Variants in PPA2 observed in about 807,000 individuals in gnomAD.
The protein encoded by PPA2 is inorganic pyrophosphatase 2, mitochondrial.
In PPA2, 48 loss-of-function variants were observed where a neutral mutation model predicts 49.5. The ratio of observed to expected loss-of-function variants is 0.97; its 90% CI spans 0.77 to 1.23. The LOEUF is 1.23. Ranked by LOEUF, PPA2 falls within the 50% of genes most tolerant of loss-of-function variation. The pLI is 0.00. For missense variants in PPA2, 429 were observed against 410.1 expected (o/e 1.05, Z -0.40); for synonymous variants, 131 against 139.9 (o/e 0.94, Z 0.45).
intron 7 of PPA2, among the ~76,000 whole-genome samples, chr4:105,410,085 G>T (rs1350068528): frequency 6.6e-6 from 1 of 152,224 alleles, no homozygotes; most frequent in Non-Finnish European, 1.5e-5. Flanking sequence ...ACAGAAGTAG[G>T]CTTCAGAAGG....
chr4:105,384,687 G>C (rs1733614066), intron 10 of PPA2, among the ~76,000 whole-genome samples: 1 of 152,114 alleles, frequency 6.6e-6, no homozygotes, highest in South Asian at 2.1e-4. Flanking sequence ...CTGATAACTT[G>C]GAGAAAATAA....
chr4:105,376,391 T>C (rs1476651630), intron 10 of PPA2, among the ~76,000 whole-genome samples: 2 of 152,194 alleles, frequency 1.3e-5, no homozygotes, highest in African/African-American at 4.8e-5. Flanking sequence ...AAATAATACA[T>C]TTATATTGAA....
chr4:105,467,816 A>T (rs1424134072), intron 1 of PPA2, among the ~76,000 whole-genome samples: 1 of 152,176 alleles, frequency 6.6e-6, no homozygotes, highest in African/African-American at 2.4e-5. Flanking sequence ...GCAACTAAAG[A>T]GAGAAACAAG....
At chr4:105,458,541 A>G (rs1052848373) in intron 1 of PPA2, among the ~76,000 whole-genome samples, 1 of 152,106 alleles carries the variant, frequency 6.6e-6, no homozygotes, top group Non-Finnish European at 1.5e-5. Flanking sequence ...AAACAGAGGC[A>G]TGGCCGGGCA....
At chr4:105,372,182 TG>T (rs1733053612) in intron 10 of PPA2, among the ~76,000 whole-genome samples, 1 of 152,200 alleles carries the variant, frequency 6.6e-6, no homozygotes, top group African/African-American at 2.4e-5. Context: ...TGGTCTAGAA[TG>T]GGGGCATGCC....
intron 6 of PPA2, among the ~76,000 whole-genome samples, chr4:105,425,382 A>C (rs1386190140): frequency 6.6e-6 from 1 of 152,172 alleles, no homozygotes; most frequent in East Asian, 1.9e-4. Flanking sequence ...AAACAAAAAA[A>C]ACCAAATAGA....
intron 11 of PPA2, among the ~76,000 whole-genome samples, chr4:105,370,159 G>T (rs974920939): frequency 2.6e-5 from 4 of 152,226 alleles, no homozygotes; most frequent in African/African-American, 9.6e-5. Context: ...TACCATATAA[G>T]GAATACAGTT....
chr4:105,410,864 TG>T (rs1722720964), intron 7 of PPA2, among the ~76,000 whole-genome samples: 1 of 152,204 alleles, frequency 6.6e-6, no homozygotes, highest in South Asian at 2.1e-4. Flanking sequence ...AAGCAAATGC[TG>T]AGAGATTTTG....
chr4:105,405,542 T>C, intron 7 of PPA2: 1 of 934,458 alleles, frequency 1.1e-6, no homozygotes, highest in Non-Finnish European at 1.3e-6. Context: ...GAAGTACTTA[T>C]AAATATTTAT....
chr4:105,432,589 G>A (rs771085256), intron 6 of PPA2, among the ~76,000 whole-genome samples: 2 of 152,204 alleles, frequency 1.3e-5, no homozygotes, highest in Non-Finnish European at 2.9e-5. Context: ...AGTATTAGCA[G>A]TAGAGGCAGA....
intron 6 of PPA2, among the ~76,000 whole-genome samples, chr4:105,427,051 C>A (rs1050818944): frequency 1.3e-5 from 2 of 152,168 alleles, no homozygotes. Flanking sequence ...GATACCCAGG[C>A]AAACAGGGTC....
intron 10 of PPA2, among the ~76,000 whole-genome samples, chr4:105,376,137 C>T (rs963731811): frequency 1.3e-5 from 2 of 152,174 alleles, no homozygotes; most frequent in Admixed American, 1.3e-4. Context: ...TGAGTCTCTA[C>T]ATCAATGCCA....
chr4:105,385,967 C>T (rs550774459), intron 10 of PPA2, among the ~76,000 whole-genome samples: 4 of 150,924 alleles, frequency 2.7e-5, no homozygotes, highest in Admixed American at 2.6e-4. Flanking sequence ...GCAACCTTTG[C>T]CTCCCAGGTT....
chr4:105,412,366 G>C (rs1722801714), intron 7 of PPA2, among the ~76,000 whole-genome samples: 2 of 152,098 alleles, frequency 1.3e-5, no homozygotes, highest in Non-Finnish European at 2.9e-5. Context: ...TTAATAAATG[G>C]TGCTGGGAAA....
At chr4:105,456,400 C>T (rs939164256) in intron 2 of PPA2, 24 of 426,552 alleles carry the variant, frequency 5.6e-5, no homozygotes, top group African/African-American at 4.5e-4. Flanking sequence ...GTAAATAAAC[C>T]TCTTGGTAAT....
At position 105,453,421 on chromosome 4, in the gene PPA2, T is replaced by A. The variant is rs191124324; in HGVS notation, c.267+177A>T. On this transcript the variant is annotated intron_variant, in intron 3 of 11. Coordinates refer to ENST00000341695, the MANE Select transcript of PPA2 (RefSeq NM_176869.3). ...TTATGTTATGAATATTTTACCACAATAAAAAAAGTTAAATGGCAATAGCTG... is the reference window on the plus strand; with the variant it reads ...TTATGTTATGAATATTTTACCACAAAAAAAAAAGTTAAATGGCAATAGCTG... Among the ~76,000 whole-genome samples the A allele has an allele frequency of 0.033, 5,009 of 152,168 alleles. 269 individuals carry two copies. Among genetic ancestry groups the A allele is most frequent in the African/African-American group, 0.11 (4,723 of 41,488 alleles).
In PPA2 at chr4:105,414,364, C is replaced by T. The variant is rs542474881; in HGVS notation, c.655+9832G>A. ...CTCTGTGGCCAGTGGCGCCTTTTCC[C>T]GAGTTTTGCTCGGCCCGCTGGGCTC... On this transcript the variant is annotated intron_variant, in intron 7 of 11. Coordinates refer to ENST00000341695, the MANE Select transcript of PPA2 (RefSeq NM_176869.3). Among the ~76,000 whole-genome samples, 26 of 152,332 alleles carry T rather than the reference C, an allele frequency of 1.7e-4. No individual in the cohort carries two copies. The East Asian group carries it at 4.8e-3, about 28-fold the overall frequency.
intron 3 of PPA2, among the ~76,000 whole-genome samples, chr4:105,452,307 A>G (rs1191589952): frequency 1.3e-5 from 2 of 152,220 alleles, no homozygotes; most frequent in Non-Finnish European, 2.9e-5. Context: ...GTATTTCATT[A>G]ACCTGAAATA....
intron 4 of PPA2, 124 bp from the exon 5 acceptor site, chr4:105,446,626 A>C: frequency 8.5e-7 from 1 of 1,179,182 alleles, no homozygotes; most frequent in Non-Finnish European, 1.2e-6. Flanking sequence ...TTAATGATCA[A>C]AGATGCTTTA....
Sources: allele counts gnomAD v4.1 joint callset (sites outside exome capture counted in the v4.1 genomes callset), GRCh38; gene constraint gnomAD v4.1.1; transcripts MANE v1.5; gene names NCBI Gene and HGNC (gene_info 2026-07-23, HGNC 2026-07-21).